CA6: variants seen among roughly 807,000 people sequenced by gnomAD.
The protein encoded by CA6 is carbonate dehydratase VI.
In CA6, 28 loss-of-function variants were observed where a neutral mutation model predicts 35.9. That is an observed-to-expected ratio of 0.78 (90% CI 0.58 to 1.07). The LOEUF is 1.07. Among genes scored for constraint, CA6 ranks in the 50% least tolerant of loss-of-function variants. CA6 has a pLI of 0.00. For missense variants in CA6, 377 were observed against 382.0 expected, an observed-to-expected ratio of 0.99 and a Z score of 0.11; for synonymous variants, 148 against 152.6, an observed-to-expected ratio of 0.97 and a Z score of 0.22.
chr1:8,961,833 G>A (rs933059334), intron 4 of CA6, among the ~76,000 whole-genome samples: 2 of 152,182 alleles, frequency 1.3e-5, no homozygotes, highest in African/African-American at 4.8e-5. Context: ...AATTGTAGTC[G>A]TTCTGCCTTG....
intron 7 of CA6, among the ~76,000 whole-genome samples, chr1:8,972,804 G>T (rs1349200928): frequency 6.6e-6 from 1 of 152,028 alleles, no homozygotes; most frequent in African/African-American, 2.4e-5. Context: ...ATTAACAGAG[G>T]ATATAGGTGT....
intron 6 of CA6, among the ~76,000 whole-genome samples, chr1:8,969,079 G>A (rs111291575): frequency 0.045 from 6,763 of 150,692 alleles, 218 homozygotes; most frequent in Admixed American, 0.1. Flanking sequence ...ACTTTGGGAC[G>A]CCAAAGCGGG....
At chr1:8,954,759 G>C (rs1303033869) in intron 2 of CA6, among the ~76,000 whole-genome samples, 1 of 151,190 alleles carries the variant, frequency 6.6e-6, no homozygotes, top group Non-Finnish European at 1.5e-5. Context: ...ATTTTTAGTA[G>C]AGACGAGGTT....
intron 2 of CA6, chr1:8,951,825 A>AT: frequency 6.5e-6 from 2 of 309,590 alleles, no homozygotes; most frequent in Non-Finnish European, 1.1e-5. Flanking sequence ...TATTAAAAAC[A>AT]ATTTTTTTTT....
At chr1:8,946,145 C>T (rs771666927) in intron 1 of CA6, among the ~76,000 whole-genome samples, 180 bp downstream of exon 1, 15 of 151,946 alleles carry the variant, frequency 9.9e-5, no homozygotes, top group Non-Finnish European at 2.1e-4. Flanking sequence ...TCAAGTGATT[C>T]TGCTGCCTTA....
chr1:8,951,510 C>T (rs1307424744), intron 2 of CA6: 1 of 765,136 alleles, frequency 1.3e-6, no homozygotes, highest in Non-Finnish European at 2.4e-6. Flanking sequence ...TGGCTTTGTT[C>T]ACCCTCCCTG....
chr1:8,952,660 A>G (rs1433841220), intron 2 of CA6: 1 of 152,028 alleles, frequency 6.6e-6, no homozygotes, highest in Non-Finnish European at 1.5e-5. Context: ...TTGGTTTTGC[A>G]AGGTTCTTTT....
chr1:8,971,882 T>C lies in CA6; in HGVS notation c.844+901T>C, dbSNP rs187626859. ...CACCTCGTTTCTGTGTTGGCAAGAG[T>C]GTAAATATTTCACAGCCTCCTCATC... is the stretch of plus-strand genomic sequence containing the variant. On this transcript the variant is annotated intron_variant, in intron 7 of 7. Transcript: ENST00000377443. Among the ~76,000 whole-genome samples, 260 of 152,188 alleles carry C rather than the reference T, an allele frequency of 1.7e-3. 2 individuals are homozygous for C. Among genetic ancestry groups the C allele is most frequent in the African/African-American group, 6.1e-3 (255 of 41,510 alleles).
chr1:8,951,332 G>A (rs933261842), intron 2 of CA6: 1 of 636,490 alleles, frequency 1.6e-6, no homozygotes, highest in South Asian at 1.9e-5. Context: ...ATGTGGCCAG[G>A]AGCCCTGAAA....
rs200853639 is a variant in CA6 at position 8,957,258 on chromosome 1, C to T, written c.381C>T (p.Thr127=). ...CGGAGATCAGCGGCTCTGAGCACAC[C>T]GTGGACGGGATCAGACATGTGATCG... is the stretch of plus-strand genomic sequence containing the variant. ...ASSEISGSEH[T]VDGIRHVIEI... The change falls in exon 3 of 8, where the codon ACC becomes ACT. Residue 127 remains threonine (T), a synonymous_variant. Coordinates refer to ENST00000377443, the MANE Select transcript of CA6 (RefSeq NM_001215.4). 29 of 1,613,814 alleles carry T rather than the reference C, an allele frequency of 1.8e-5. No homozygotes were observed. Among genetic ancestry groups the T allele is most frequent in the African/African-American group, 6.7e-5 (5 of 75,024 alleles).
At chr1:8,950,632 G>A (rs1327944568) in intron 2 of CA6, among the ~76,000 whole-genome samples, 1 of 152,058 alleles carries the variant, frequency 6.6e-6, no homozygotes, top group East Asian at 1.9e-4. Flanking sequence ...ACTTTAGGAG[G>A]CTGAGGTGGG....
intron 5 of CA6, among the ~76,000 whole-genome samples, chr1:8,966,867 C>T (rs755557881): frequency 6.6e-6 from 1 of 152,136 alleles, no homozygotes; most frequent in African/African-American, 2.4e-5. Flanking sequence ...CCCCACCCTA[C>T]GCCCCACCTG....
Position 8,970,859 on chromosome 1 carries a change from G to GC in CA6, c.730-3dup. 6.4e-7 allele frequency: 1 copy of GC among 1,563,154 alleles called. No individual in the cohort carries two copies. The highest frequency in any genetic ancestry group is 8.8e-7 in the Non-Finnish European group (1 of 1,134,100). ...TTCCCCTCCATAATGCACTCACGTT[G>GC]CCCCCAGGTTTGGAAGCTGGAGAAT... is the stretch of plus-strand genomic sequence containing the variant. On this transcript the variant is annotated splice_region_variant and splice_polypyrimidine_tract_variant and intron_variant, in intron 6 of 7. Transcript: ENST00000377443.
intron 1 of CA6, among the ~76,000 whole-genome samples, chr1:8,947,106 A>G (rs1490972729): frequency 6.6e-6 from 1 of 152,086 alleles, no homozygotes; most frequent in African/African-American, 2.4e-5. Flanking sequence ...GCCAGGCCCC[A>G]AACCAGACTT....
intron 2 of CA6, among the ~76,000 whole-genome samples, chr1:8,950,241 C>T (rs1023275365): frequency 2.0e-5 from 3 of 152,012 alleles, no homozygotes; most frequent in African/African-American, 4.8e-5. Flanking sequence ...CCTTAGCCTC[C>T]CCAAAGTGCT....
Position 8,949,276 on chromosome 1 carries a change from C to A in CA6, c.93C>A (p.Asp31Glu). The A allele has an allele frequency of 6.2e-7, 1 of 1,602,456 alleles. No homozygotes were observed. Among genetic ancestry groups the A allele is most frequent in the Non-Finnish European group, 8.5e-7 (1 of 1,175,108 alleles). ...TTCCTGTCTTAGAAGGGGCACTGGACGAAGCGCACTGGCCACAGCACTACC... is the reference window on the plus strand; with the variant it reads ...TTCCTGTCTTAGAAGGGGCACTGGAAGAAGCGCACTGGCCACAGCACTACC... Reference protein sequence around the residue: ...SDWTYSEGALDEAHWPQHYPA... With the variant: ...SDWTYSEGALEEAHWPQHYPA... Residue 31 changes from aspartate to glutamate, a missense_variant, in exon 2 of 8, where the codon GAC becomes GAA. Physicochemically the swap from Asp to Glu is conservative, Grantham distance 45. Transcript: ENST00000377443.
intron 6 of CA6, among the ~76,000 whole-genome samples, chr1:8,968,937 G>A (rs1224024880): frequency 6.6e-6 from 1 of 151,798 alleles, no homozygotes; most frequent in Non-Finnish European, 1.5e-5. Context: ...AGAATCACTT[G>A]AACCTGGGAC....
chr1:8,949,551 C>A, intron 2 of CA6, 109 bp downstream of exon 2: 1 of 967,580 alleles, frequency 1.0e-6, no homozygotes, highest in Non-Finnish European at 1.6e-6. Context: ...CAGAGCACGG[C>A]CTCAGAGCTG....
chr1:8,974,071 C>T (rs1316219472), intron 7 of CA6, among the ~76,000 whole-genome samples: 1 of 152,100 alleles, frequency 6.6e-6, no homozygotes, highest in Non-Finnish European at 1.5e-5. Flanking sequence ...GCAATCCACC[C>T]ACTTCAGCCT....
Sources: allele counts gnomAD v4.1 joint callset (sites outside exome capture counted in the v4.1 genomes callset), GRCh38; gene constraint gnomAD v4.1.1; transcripts MANE v1.5; gene names NCBI Gene and HGNC (gene_info 2026-07-23, HGNC 2026-07-21).